Variants in ZNF407 observed in about 807,000 individuals in gnomAD.
ZNF407 encodes zinc finger protein 407.
A neutral mutation model predicts 131.2 loss-of-function variants in ZNF407; 17 were observed. That is an observed-to-expected ratio of 0.13 (90% CI 0.09 to 0.19). ZNF407 has a LOEUF of 0.19. ZNF407 is among the 10% of genes least tolerant of loss of function. ZNF407 has a pLI of 1.00. For synonymous variants in ZNF407, 1,156 were observed against 1,062.0 expected, an observed-to-expected ratio of 1.09 and a Z score of -1.72; for missense variants, 2,681 against 2,830.6, an observed-to-expected ratio of 0.95 and a Z score of 1.20.
At chr18:74,864,495 A>G (rs1276158358) in intron 4 of ZNF407, among the ~76,000 whole-genome samples, 2 of 152,134 alleles carry the variant, frequency 1.3e-5, no homozygotes, top group Non-Finnish European at 1.5e-5. Context: ...AGTTTTGAAT[A>G]TGTCATTGGG....
At chr18:74,844,690 C>A (rs961907099) in intron 4 of ZNF407, among the ~76,000 whole-genome samples, 1 of 151,892 alleles carries the variant, frequency 6.6e-6, no homozygotes, top group South Asian at 2.1e-4. Context: ...GTAAAAATTA[C>A]CCATGCAGAA....
chr18:74,796,516 G>C (rs1969922648), intron 4 of ZNF407, among the ~76,000 whole-genome samples: 2 of 152,200 alleles, frequency 1.3e-5, no homozygotes, highest in South Asian at 4.1e-4. Flanking sequence ...GTATAGTAAT[G>C]TCGAAGGACG....
intron 8 of ZNF407, among the ~76,000 whole-genome samples, chr18:74,994,569 G>A (rs769827335): frequency 7.2e-5 from 11 of 152,204 alleles, no homozygotes; most frequent in Non-Finnish European, 1.6e-4. Flanking sequence ...TGGCAGAAGG[G>A]GAGGCAGTTC....
At chr18:75,059,857 C>G (rs1973604635) in intron 8 of ZNF407, among the ~76,000 whole-genome samples, 1 of 152,192 alleles carries the variant, frequency 6.6e-6, no homozygotes, top group Non-Finnish European at 1.5e-5. Context: ...GACCTGCACG[C>G]CCACCCTCAT....
intron 8 of ZNF407, among the ~76,000 whole-genome samples, chr18:75,056,566 G>A (rs1973564589): frequency 6.6e-6 from 1 of 152,208 alleles, no homozygotes; most frequent in Non-Finnish European, 1.5e-5. Flanking sequence ...ACAAGAAGTA[G>A]CTCAAAGGCA....
intron 3 of ZNF407, among the ~76,000 whole-genome samples, chr18:74,729,923 T>G (rs1247071786): frequency 6.6e-6 from 1 of 152,222 alleles, no homozygotes; most frequent in Non-Finnish European, 1.5e-5. Context: ...TGATGCATTA[T>G]ATAGTCAATA....
Position 74,963,055 on chromosome 18 carries a change from T to C in ZNF407, c.5428+42363T>C, listed in dbSNP as rs1038925762. 2.0e-5 allele frequency among the ~76,000 whole-genome samples: 3 copies of C among 152,200 alleles called. No homozygotes were observed. The South Asian group carries it at 6.2e-4, about 32-fold the overall frequency. On this transcript the variant is annotated intron_variant, in intron 8 of 8. Coordinates refer to ENST00000299687, the MANE Select transcript of ZNF407 (RefSeq NM_017757.3). Reference sequence around the variant, plus strand: ...TTCTTCCAGCAGCCACATAGAATCATTGGAGCTCCACAGTTCTCCCCGGTT... The same window carrying C: ...TTCTTCCAGCAGCCACATAGAATCACTGGAGCTCCACAGTTCTCCCCGGTT...
In ZNF407 at chr18:74,965,368, T is replaced by C. The variant is rs1008818752; in HGVS notation, c.5428+44676T>C. Among the ~76,000 whole-genome samples, 5 of 152,138 alleles carry C rather than the reference T, an allele frequency of 3.3e-5. 1 individual carries two copies. The highest frequency in any genetic ancestry group is 4.2e-4 in the South Asian group (2 of 4,818). ...ACTGTCTCCATGAGTTCAATTGTTT[T>C]AATTTTTAGATCCCACAAATAAATG... is the stretch of plus-strand genomic sequence containing the variant. On this transcript the variant is annotated intron_variant, in intron 8 of 8. Coordinates refer to ENST00000299687, the MANE Select transcript of ZNF407 (RefSeq NM_017757.3).
chr18:74,712,088 T>C (rs1967778786), intron 3 of ZNF407, among the ~76,000 whole-genome samples: 1 of 152,224 alleles, frequency 6.6e-6, no homozygotes, highest in Non-Finnish European at 1.5e-5. Flanking sequence ...CCCTGGCGTG[T>C]GTCATATATG....
At chr18:74,620,374 A>AAAAGG (rs1983464275) in intron 1 of ZNF407, among the ~76,000 whole-genome samples, 1 of 152,202 alleles carries the variant, frequency 6.6e-6, no homozygotes, top group Non-Finnish European at 1.5e-5. Context: ...GAAGTCTTTG[A>AAAAGG]TAATGAAAGG....
chr18:74,679,498 T>C (rs1966931900), intron 3 of ZNF407, among the ~76,000 whole-genome samples: 1 of 152,236 alleles, frequency 6.6e-6, no homozygotes, highest in Admixed American at 6.5e-5. Context: ...TAAGTGCTTA[T>C]TCATTGCATG....
intron 8 of ZNF407, among the ~76,000 whole-genome samples, chr18:74,987,438 G>A (rs17056100): frequency 0.024 from 3,727 of 152,236 alleles, 136 homozygotes; most frequent in African/African-American, 0.082. Flanking sequence ...TGTGGTGTCC[G>A]TGTTCATCTC....
chr18:74,713,116 A>G (rs552317871), intron 3 of ZNF407, among the ~76,000 whole-genome samples: 1 of 152,168 alleles, frequency 6.6e-6, no homozygotes, highest in African/African-American at 2.4e-5. Context: ...TCTGAACGGT[A>G]CAGCTAGCGC....
chr18:75,036,631 A>G (rs1973311555), intron 8 of ZNF407, among the ~76,000 whole-genome samples: 1 of 152,262 alleles, frequency 6.6e-6, no homozygotes, highest in Admixed American at 6.5e-5. Context: ...TCAAAATAAC[A>G]TTGATACTTA....
At chr18:75,026,728 G>T (rs774466774) in intron 8 of ZNF407, among the ~76,000 whole-genome samples, 1 of 152,134 alleles carries the variant, frequency 6.6e-6, no homozygotes, top group Non-Finnish European at 1.5e-5. Context: ...TATGTGATTG[G>T]CCACATGCAC....
At chr18:74,879,317 A>G (rs1224456548) in intron 5 of ZNF407, among the ~76,000 whole-genome samples, 1 of 152,100 alleles carries the variant, frequency 6.6e-6, no homozygotes. Flanking sequence ...ATTGAATGAT[A>G]TGGCACAAAC....
intron 3 of ZNF407, among the ~76,000 whole-genome samples, chr18:74,728,981 G>T (rs1035612400): frequency 7.2e-5 from 11 of 152,176 alleles, no homozygotes; most frequent in Non-Finnish European, 2.9e-5. Context: ...CAGCTGCTGT[G>T]ACTTTTTTTC....
At chr18:74,758,915 G>A (rs927931991) in intron 3 of ZNF407, among the ~76,000 whole-genome samples, 5 of 152,094 alleles carry the variant, frequency 3.3e-5, no homozygotes, top group East Asian at 3.8e-4. Context: ...AATTACCTAC[G>A]TCATTACCTT....
In ZNF407 at chr18:74,889,912, T is replaced by C. The variant is rs1240236793; in HGVS notation, c.5129-6T>C. 1 of 1,603,992 alleles carries C rather than the reference T, an allele frequency of 6.2e-7. No homozygotes were observed. Among genetic ancestry groups the C allele is most frequent in the Non-Finnish European group, 8.5e-7 (1 of 1,175,008 alleles). On this transcript the variant is annotated splice_region_variant and splice_polypyrimidine_tract_variant and intron_variant, in intron 6 of 8. Transcript: ENST00000299687. ...TTCATCTGTAACATTTCTTGATATA[T>C]TACAGGAGAAAAACCTTTCAAGTGC...
Sources: gnomAD v4.1 joint callset for allele counts (sites outside exome capture counted in the v4.1 genomes callset) on GRCh38, gnomAD v4.1.1 for gene constraint, MANE v1.5 for transcripts, NCBI Gene and HGNC (gene_info 2026-07-23, HGNC 2026-07-21) for gene names.